Variants in KAZN observed in about 807,000 individuals in gnomAD.
KAZN encodes the protein kazrin.
In KAZN, 40 loss-of-function variants were observed where a neutral mutation model predicts 87.4. That is an observed-to-expected ratio of 0.46 (90% CI 0.36 to 0.60). The LOEUF (loss-of-function observed/expected upper bound fraction) is 0.60, where lower values mean the gene tolerates loss of function less well. Among genes scored for constraint, KAZN ranks in the 20% least tolerant of loss-of-function variants. The probability of loss-of-function intolerance (pLI) is 0.00; values close to 1 mark genes in which losing one functional copy is unlikely to be tolerated. For synonymous variants in KAZN, 466 were observed against 458.3 expected, an observed-to-expected ratio of 1.02 and a Z score of -0.22; for missense variants, 898 against 1,073.9, an observed-to-expected ratio of 0.84 and a Z score of 2.29.
rs145495458 is a variant in KAZN at position 14,550,131 on chromosome 1, A to G, written c.250-48852A>G. 2.8e-4 allele frequency among the ~76,000 whole-genome samples: 42 copies of G among 152,292 alleles called. No homozygotes were observed. The East Asian group carries it at 6.2e-3, about 22-fold the overall frequency. Reference sequence around the variant, plus strand: ...AGAGGGAGCCACTCTCATTCAACACATGTTTACTTAGACTTCTCTGTGCCA... The same window carrying G: ...AGAGGGAGCCACTCTCATTCAACACGTGTTTACTTAGACTTCTCTGTGCCA... On this transcript the variant is annotated intron_variant, in intron 2 of 16. Transcript: ENST00000636203.
At chr1:14,643,708 T>C (rs1390778619) in intron 1 of KAZN, among the ~76,000 whole-genome samples, 1 of 152,240 alleles carries the variant, frequency 6.6e-6, no homozygotes, top group Non-Finnish European at 1.5e-5. Context: ...GGTTGAACAG[T>C]AGTTCTACTT....
At chr1:14,798,111 A>G (rs566511964) in intron 1 of KAZN, among the ~76,000 whole-genome samples, 1 of 152,198 alleles carries the variant, frequency 6.6e-6, no homozygotes, top group Non-Finnish European at 1.5e-5. Flanking sequence ...AAACTCACGC[A>G]TGACACCTCT....
At chr1:14,859,064 G>A (rs1233173828) in intron 1 of KAZN, among the ~76,000 whole-genome samples, 3 of 152,048 alleles carry the variant, frequency 2.0e-5, no homozygotes, top group Non-Finnish European at 2.9e-5. Flanking sequence ...AAAATTAGCC[G>A]GGCGTGGTGG....
intron 2 of KAZN, among the ~76,000 whole-genome samples, chr1:14,545,614 T>C (rs796793433): frequency 3.5e-4 from 53 of 152,254 alleles, no homozygotes; most frequent in African/African-American, 1.3e-3. Flanking sequence ...CATGTATCTG[T>C]CCGTATAGGC....
intron 1 of KAZN, among the ~76,000 whole-genome samples, chr1:14,698,867 G>A (rs941517927): frequency 3.3e-5 from 5 of 152,254 alleles, no homozygotes; most frequent in African/African-American, 9.6e-5. Context: ...AACAAGCTCC[G>A]CTGGTCTAAC....
At chr1:14,937,691 A>G (rs1454962466) in intron 1 of KAZN, among the ~76,000 whole-genome samples, 1 of 152,176 alleles carries the variant, frequency 6.6e-6, no homozygotes, top group Non-Finnish European at 1.5e-5. Flanking sequence ...CACATCCCTG[A>G]TAGAGCTGAG....
At chr1:14,356,507 A>G (rs552331884) in intron 2 of KAZN, among the ~76,000 whole-genome samples, 1 of 152,292 alleles carries the variant, frequency 6.6e-6, no homozygotes, top group African/African-American at 2.4e-5. Context: ...GCCCATGCCT[A>G]GGTCCTGAAT....
chr1:15,024,584 C>T (rs1573095331), intron 2 of KAZN, among the ~76,000 whole-genome samples: 1 of 152,294 alleles, frequency 6.6e-6, no homozygotes, highest in Non-Finnish European at 1.5e-5. Flanking sequence ...CGAGGAGCCT[C>T]TTGTAGAAAA....
At chr1:14,024,757 G>T (rs1640994848) in intron 1 of KAZN, among the ~76,000 whole-genome samples, 2 of 152,160 alleles carry the variant, frequency 1.3e-5, no homozygotes, top group African/African-American at 4.8e-5. Flanking sequence ...AAGAAGCTGG[G>T]CTATTCAAAG....
chr1:13,931,384 C>T (rs1048976196), intron 1 of KAZN, among the ~76,000 whole-genome samples: 1 of 152,128 alleles, frequency 6.6e-6, no homozygotes, highest in Non-Finnish European at 1.5e-5. Context: ...GCAGGAAAAC[C>T]TGGCCGGGTG....
At chr1:15,011,934 A>C (rs973021928) in intron 2 of KAZN, among the ~76,000 whole-genome samples, 1 of 152,034 alleles carries the variant, frequency 6.6e-6, no homozygotes, top group African/African-American at 2.4e-5. Context: ...TGTGTGAATG[A>C]GTTTGCTCCT....
Position 14,136,053 on chromosome 1 carries a change from G to A in KAZN, c.92-44382G>A, listed in dbSNP as rs573518407. ...TGTTGTGGAGGTCTCTGAAGAATGG[G>A]GGAGAGAAAGGAGACCCTGGGGAAG... On this transcript the variant is annotated intron_variant, in intron 1 of 16. Coordinates refer to the KAZN transcript ENST00000636203. Among the ~76,000 whole-genome samples, 9 of 152,234 alleles carry A rather than the reference G, an allele frequency of 5.9e-5. No homozygotes were observed. In the East Asian group the frequency reaches 1.7e-3, roughly 29 times the overall value.
At chr1:15,046,941 A>G (rs1383841339) in intron 4 of KAZN, among the ~76,000 whole-genome samples, 3 of 152,126 alleles carry the variant, frequency 2.0e-5, no homozygotes, top group Non-Finnish European at 2.9e-5. Flanking sequence ...TCCTGGCCTT[A>G]GGCATCCGAG....
intron 2 of KAZN, among the ~76,000 whole-genome samples, chr1:14,502,463 T>A (rs1380392457): frequency 6.6e-6 from 1 of 152,202 alleles, no homozygotes; most frequent in Non-Finnish European, 1.5e-5. Flanking sequence ...TTCTGGGTTT[T>A]TTTAGGTCAT....
intron 1 of KAZN, among the ~76,000 whole-genome samples, chr1:14,709,197 TAGAG>T: frequency 6.6e-6 from 1 of 152,172 alleles, no homozygotes; most frequent in African/African-American, 2.4e-5. Flanking sequence ...CACCAGCAAA[TAGAG>T]AGCTGAGATC....
intron 1 of KAZN, among the ~76,000 whole-genome samples, chr1:14,669,341 C>A (rs563825731): frequency 1.3e-5 from 2 of 152,260 alleles, no homozygotes; most frequent in African/African-American, 4.8e-5. Flanking sequence ...CCAAACATCC[C>A]ACAATGAACA....
intron 1 of KAZN, among the ~76,000 whole-genome samples, chr1:14,117,837 T>C (rs897040451): frequency 6.6e-6 from 1 of 152,160 alleles, no homozygotes; most frequent in Non-Finnish European, 1.5e-5. Flanking sequence ...GCCTGGCTCA[T>C]GGTGAGGACT....
intron 2 of KAZN, among the ~76,000 whole-genome samples, chr1:14,482,008 A>T (rs957858686): frequency 1.3e-5 from 2 of 152,214 alleles, no homozygotes; most frequent in South Asian, 4.1e-4. Flanking sequence ...TGGCTTAGGG[A>T]CATGGTAATG....
chr1:14,178,349 A>G (rs910002626), intron 1 of KAZN, among the ~76,000 whole-genome samples: 38 of 152,222 alleles, frequency 2.5e-4, no homozygotes, highest in African/African-American at 8.9e-4. Flanking sequence ...TCTGCCAACG[A>G]GACTCCAATT....
Sources: gnomAD v4.1 joint callset for allele counts (sites outside exome capture counted in the v4.1 genomes callset) on GRCh38, gnomAD v4.1.1 for gene constraint, MANE v1.5 for transcripts, NCBI Gene and HGNC (gene_info 2026-07-23, HGNC 2026-07-21) for gene names.